The following SPRR2G variants were observed in gnomAD, a reference collection of about 807,000 sequenced individuals.
The protein encoded by SPRR2G is small proline-rich protein 2G.
In SPRR2G, 1 loss-of-function variant was observed where a neutral mutation model predicts 0.7. The observed-to-expected ratio is 1.49, with a 90% CI of 0.53 to 7.06. The LOEUF (loss-of-function observed/expected upper bound fraction) is 7.06, where lower values mean the gene tolerates loss of function less well. Among genes scored for constraint, SPRR2G ranks in the 30% most tolerant of loss-of-function variants. SPRR2G has a pLI of 0.14. For synonymous variants in SPRR2G, 38 were observed against 33.9 expected, an observed-to-expected ratio of 1.12 and a Z score of -0.42; for missense variants, 96 against 88.5, an observed-to-expected ratio of 1.09 and a Z score of -0.34.
chr1:153,158,362 T>G, the SPRR2G span, among the ~76,000 whole-genome samples: 1 of 152,232 alleles, frequency 6.6e-6, no homozygotes, highest in East Asian at 1.9e-4. Context: ...CATGCAAGTC[T>G]GAAACCTAGC....
chr1:153,152,479 A>T (rs1479123359), upstream of SPRR2G, among the ~76,000 whole-genome samples: 2 of 152,202 alleles, frequency 1.3e-5, no homozygotes, highest in Non-Finnish European at 1.5e-5. Context: ...AGAAACAAAA[A>T]AAACTGAGGA....
At chr1:153,182,600 T>A in the SPRR2G span, among the ~76,000 whole-genome samples, 1 of 152,134 alleles carries the variant, frequency 6.6e-6, no homozygotes, top group Non-Finnish European at 1.5e-5. Flanking sequence ...GTCCATGTGT[T>A]CTCATTGTTC....
chr1:153,181,236 T>TTTTG, the SPRR2G span, among the ~76,000 whole-genome samples: 1 of 152,170 alleles, frequency 6.6e-6, no homozygotes, highest in Non-Finnish European at 1.5e-5. Flanking sequence ...GAGTTTAGAA[T>TTTTG]TTTGTTTGTT....
chr1:153,189,754 G>A, the SPRR2G span, among the ~76,000 whole-genome samples: 2 of 152,282 alleles, frequency 1.3e-5, no homozygotes, highest in Non-Finnish European at 2.9e-5. Context: ...AGTCATAGGG[G>A]TAGTACAGAA....
the SPRR2G span, among the ~76,000 whole-genome samples, chr1:153,180,889 T>C: frequency 6.6e-6 from 1 of 152,202 alleles, no homozygotes; most frequent in African/African-American, 2.4e-5. Context: ...CTTTATTATA[T>C]GTTTATTGGA....
the SPRR2G span, among the ~76,000 whole-genome samples, chr1:153,173,726 G>T: frequency 6.6e-6 from 1 of 152,164 alleles, no homozygotes; most frequent in African/African-American, 2.4e-5. Context: ...GTCACTGGAG[G>T]TGTCAGAGCA....
the SPRR2G span, among the ~76,000 whole-genome samples, chr1:153,157,835 T>A: frequency 6.9e-6 from 1 of 144,072 alleles, no homozygotes; most frequent in East Asian, 2.1e-4. Context: ...CAGTTCCCCA[T>A]GGCTGGAGGG....
the SPRR2G span, among the ~76,000 whole-genome samples, chr1:153,199,942 G>A: frequency 6.6e-6 from 1 of 151,960 alleles, no homozygotes; most frequent in Non-Finnish European, 1.5e-5. Flanking sequence ...ATTACACAGA[G>A]AGATAGAAAA....
the SPRR2G span, chr1:153,190,758 T>C: frequency 2.6e-5 from 4 of 152,212 alleles, no homozygotes; most frequent in African/African-American, 9.6e-5. Flanking sequence ...CCACATTCTT[T>C]GATGAAGACA....
chr1:153,164,387 T>C, the SPRR2G span, among the ~76,000 whole-genome samples: 57 of 152,156 alleles, frequency 3.7e-4, no homozygotes, highest in Non-Finnish European at 6.5e-4. Context: ...GAGAAAGTCA[T>C]TTAGTCCAGA....
At chr1:153,172,365 T>G in the SPRR2G span, among the ~76,000 whole-genome samples, 15 of 152,208 alleles carry the variant, frequency 9.9e-5, no homozygotes, top group Non-Finnish European at 1.6e-4. Flanking sequence ...GGTTGACTTT[T>G]GCTGTAGCAT....
At chr1:153,165,243 T>A in the SPRR2G span, among the ~76,000 whole-genome samples, 1 of 152,102 alleles carries the variant, frequency 6.6e-6, no homozygotes, top group African/African-American at 2.4e-5. Flanking sequence ...AAAATATAGG[T>A]GATTCTAAAT....
chr1:153,179,868 A>G, the SPRR2G span, among the ~76,000 whole-genome samples: 4 of 152,282 alleles, frequency 2.6e-5, no homozygotes, highest in East Asian at 7.7e-4. Context: ...GAACAACCAC[A>G]GCAATCATAT....
chr1:153,191,605 C>G, the SPRR2G span: 1 of 152,122 alleles, frequency 6.6e-6, no homozygotes, highest in African/African-American at 2.4e-5. Context: ...CTACCATAGA[C>G]TAATGAAAAA....
the SPRR2G span, among the ~76,000 whole-genome samples, chr1:153,169,434 T>C: frequency 5.0e-3 from 765 of 152,028 alleles, 9 homozygotes; most frequent in Middle Eastern, 0.02. Context: ...GGCATGGTGG[T>C]GCACACCTGT....
the SPRR2G span, among the ~76,000 whole-genome samples, chr1:153,168,136 T>C: frequency 6.6e-6 from 1 of 152,180 alleles, no homozygotes; most frequent in African/African-American, 2.4e-5. Context: ...AACATAGTTA[T>C]CAACACCAAC....
chr1:153,197,331 T>C, the SPRR2G span, among the ~76,000 whole-genome samples: 1 of 151,904 alleles, frequency 6.6e-6, no homozygotes, highest in East Asian at 1.9e-4. Flanking sequence ...AGATCTGGGA[T>C]TTTCAGCCTA....
the SPRR2G span, among the ~76,000 whole-genome samples, chr1:153,167,538 A>T: frequency 1.3e-5 from 2 of 152,196 alleles, no homozygotes; most frequent in Admixed American, 6.5e-5. Flanking sequence ...TTTGGCAATT[A>T]CAGTAAGTTA....
chr1:153,167,344 C>T, the SPRR2G span, among the ~76,000 whole-genome samples: 1 of 152,128 alleles, frequency 6.6e-6, no homozygotes, highest in South Asian at 2.1e-4. Context: ...CGTGGTGGCT[C>T]ATGCCTGTAA....
Sources: allele counts gnomAD v4.1 joint callset (sites outside exome capture counted in the v4.1 genomes callset), GRCh38; gene constraint gnomAD v4.1.1; transcripts MANE v1.5; gene names NCBI Gene and HGNC (gene_info 2026-07-23, HGNC 2026-07-21).